Variants in ARMH3 observed in about 807,000 individuals in gnomAD.
ARMH3 encodes armadillo like helical domain containing 3.
In ARMH3, 60 loss-of-function variants were observed where a neutral mutation model predicts 99.1. That is an observed-to-expected ratio of 0.61 (90% confidence interval 0.49 to 0.75). The LOEUF (loss-of-function observed/expected upper bound fraction) is 0.75, where lower values mean the gene tolerates loss of function less well. Ranked by LOEUF, ARMH3 falls within the 30% of genes least tolerant of loss-of-function variation. The pLI, the probability that ARMH3 is intolerant of heterozygous loss-of-function variation, is 0.00. For missense variants in ARMH3, 679 were observed against 843.1 expected (o/e 0.81, Z 2.41); for synonymous variants, 285 against 292.8 (o/e 0.97, Z 0.27).
chr10:101,945,664 G>A (rs929544305), intron 22 of ARMH3, among the ~76,000 whole-genome samples: 2 of 151,952 alleles, frequency 1.3e-5, no homozygotes, highest in Non-Finnish European at 2.9e-5. Context: ...GTTGCAGTGA[G>A]CTGAGAGCGT....
intron 22 of ARMH3, among the ~76,000 whole-genome samples, chr10:101,942,050 G>C (rs574005367): frequency 6.6e-6 from 1 of 152,192 alleles, no homozygotes; most frequent in East Asian, 1.9e-4. Flanking sequence ...GTTCCTTACT[G>C]AACAGGCACC....
At chr10:101,893,809 T>TG (rs1296233936) in intron 23 of ARMH3, among the ~76,000 whole-genome samples, 1 of 152,070 alleles carries the variant, frequency 6.6e-6, no homozygotes, top group Admixed American at 6.5e-5. Context: ...AATGTACACT[T>TG]GTTTCCTTCC....
At chr10:101,976,154 G>A (rs368024263) in intron 19 of ARMH3, among the ~76,000 whole-genome samples, 1 of 118,776 alleles carries the variant, frequency 8.4e-6, no homozygotes, top group South Asian at 3.3e-4. Flanking sequence ...GGGTGACAGA[G>A]TGAGACTCTG....
At chr10:102,014,690 T>C (rs994082236) in intron 8 of ARMH3, among the ~76,000 whole-genome samples, 1 of 152,200 alleles carries the variant, frequency 6.6e-6, no homozygotes. Flanking sequence ...TGGAATTTAA[T>C]GATTGTCCCA....
chr10:102,036,202 G>C (rs1238693485), intron 2 of ARMH3, among the ~76,000 whole-genome samples: 1 of 137,392 alleles, frequency 7.3e-6, no homozygotes, highest in Non-Finnish European at 1.6e-5. Flanking sequence ...CCGTCCGGGA[G>C]GGAAGTGGGG....
At chr10:101,907,009 C>T (rs1842658974) in intron 23 of ARMH3, among the ~76,000 whole-genome samples, 1 of 152,142 alleles carries the variant, frequency 6.6e-6, no homozygotes, top group Admixed American at 6.5e-5. Context: ...TTCCACCTGT[C>T]TAGACTAAAG....
chr10:101,936,146 A>G (rs1843959899), intron 23 of ARMH3, among the ~76,000 whole-genome samples: 1 of 152,042 alleles, frequency 6.6e-6, no homozygotes, highest in South Asian at 2.1e-4. Flanking sequence ...AGTTCTCCCT[A>G]CCAAGGAAAG....
At chr10:101,968,994 A>G (rs1688627129) in intron 20 of ARMH3, among the ~76,000 whole-genome samples, 1 of 152,214 alleles carries the variant, frequency 6.6e-6, no homozygotes, top group Admixed American at 6.5e-5. Context: ...AGCAGTCTTA[A>G]TTAGGCACAT....
chr10:101,879,073 C>A (rs1217189227), intron 24 of ARMH3, among the ~76,000 whole-genome samples: 1 of 152,182 alleles, frequency 6.6e-6, no homozygotes, highest in Admixed American at 6.5e-5. Flanking sequence ...CAGTCTAAGA[C>A]CTTCCCCCAT....
intron 14 of ARMH3, 128 bp from the exon 15 acceptor site, chr10:102,002,200 C>A: frequency 2.2e-6 from 3 of 1,371,984 alleles, no homozygotes; most frequent in Non-Finnish European, 2.9e-6. Flanking sequence ...GAGGGAGGAC[C>A]AAGTGCTCAT....
At chr10:102,031,531 G>C (rs1474082383) in intron 4 of ARMH3, among the ~76,000 whole-genome samples, 1 of 152,186 alleles carries the variant, frequency 6.6e-6, no homozygotes, top group African/African-American at 2.4e-5. Context: ...CAACTTAAAA[G>C]GTGGAACTTA....
At chr10:101,877,033 C>T (rs1483525668) in intron 24 of ARMH3, among the ~76,000 whole-genome samples, 1 of 151,912 alleles carries the variant, frequency 6.6e-6, no homozygotes, top group Non-Finnish European at 1.5e-5. Flanking sequence ...CATAAGGAGA[C>T]CTGGTCTCCA....
At chr10:101,847,717 G>A (rs148530095) in intron 25 of ARMH3, 97 bp from the exon 26 acceptor site, 2 of 1,071,902 alleles carry the variant, frequency 1.9e-6, no homozygotes, top group East Asian at 4.8e-5. Flanking sequence ...CTGCTACACG[G>A]GGCACTAGAA....
chr10:101,932,337 G>A (rs1590043115), intron 23 of ARMH3, among the ~76,000 whole-genome samples: 1 of 152,198 alleles, frequency 6.6e-6, no homozygotes, highest in South Asian at 2.1e-4. Context: ...GTAACATGGT[G>A]CAGCCACTTT....
intron 4 of ARMH3, among the ~76,000 whole-genome samples, chr10:102,030,529 T>C (rs1261625855): frequency 6.6e-6 from 1 of 151,904 alleles, no homozygotes; most frequent in Non-Finnish European, 1.5e-5. Context: ...GCCAACATGG[T>C]GAAACCCAGT....
At chr10:102,041,884 A>C (rs1179484818) in intron 1 of ARMH3, among the ~76,000 whole-genome samples, 8 of 152,028 alleles carry the variant, frequency 5.3e-5, no homozygotes, top group Admixed American at 5.2e-4. Flanking sequence ...TCCTGACCTC[A>C]TGATCCGCCT....
chr10:101,931,110 A>T (rs1564763742), intron 23 of ARMH3, among the ~76,000 whole-genome samples: 1 of 152,210 alleles, frequency 6.6e-6, no homozygotes, highest in Admixed American at 6.5e-5. Context: ...CAAACCTAAG[A>T]AACAAAAAGG....
chr10:101,982,021 CAAAAAAA>C (rs71016356), intron 19 of ARMH3, among the ~76,000 whole-genome samples: 1 of 58,998 alleles, frequency 1.7e-5, no homozygotes, highest in Admixed American at 2.2e-4. Context: ...GACTCTATCT[CAAAAAAA>C]AAAAAAAAAA....
intron 23 of ARMH3, among the ~76,000 whole-genome samples, chr10:101,938,252 T>A (rs17771865): frequency 0.03 from 4,500 of 152,276 alleles, 108 homozygotes; most frequent in Non-Finnish European, 0.045. Context: ...TTGCAGCAAG[T>A]TCATCAGAGA....
Sources: gnomAD v4.1 joint callset for allele counts (sites outside exome capture counted in the v4.1 genomes callset) on GRCh38, gnomAD v4.1.1 for gene constraint, MANE v1.5 for transcripts, NCBI Gene and HGNC (gene_info 2026-07-23, HGNC 2026-07-21) for gene names.